ZSCAN12: variants seen among roughly 807,000 people sequenced by gnomAD.
ZSCAN12 encodes zinc finger and SCAN domain containing 12.
A neutral mutation model predicts 23.4 loss-of-function variants in ZSCAN12; 18 were observed. The ratio of observed to expected loss-of-function variants is 0.77; its 90% CI spans 0.53 to 1.14. The LOEUF (loss-of-function observed/expected upper bound fraction) is 1.14. Among genes scored for constraint, ZSCAN12 ranks in the 50% most tolerant of loss-of-function variants. The pLI is 0.00. For missense variants in ZSCAN12, 650 were observed against 735.0 expected (o/e 0.88, Z 1.34); for synonymous variants, 186 against 253.4 (o/e 0.73, Z 2.53).
In ZSCAN12 at chr6:28,386,205, T is replaced by C. The variant is rs936708207; in HGVS notation, c.*4249A>G. 6.6e-6 allele frequency among the ~76,000 whole-genome samples: 1 copy of C among 152,222 alleles called. No individual in the cohort carries two copies. The highest frequency in any genetic ancestry group is 2.4e-5 in the African/African-American group (1 of 41,458). On this transcript the variant is annotated 3_prime_UTR_variant, in exon 4 of 4. Transcript: ENST00000684592. ...TGGCTCTTCCCCAACCTCTCCATGCTTTTTGCCTTAAACACTTAATGTCTT... is the reference window on the plus strand; with the variant it reads ...TGGCTCTTCCCCAACCTCTCCATGCCTTTTGCCTTAAACACTTAATGTCTT...
intron 3 of ZSCAN12, among the ~76,000 whole-genome samples, chr6:28,392,553 GC>G (rs1257282779): frequency 6.6e-6 from 1 of 152,062 alleles, no homozygotes; most frequent in East Asian, 1.9e-4. Flanking sequence ...ACATAATGGA[GC>G]AAAGGCTTAT....
chr6:28,396,987 A>G (rs1229135586), intron 2 of ZSCAN12, among the ~76,000 whole-genome samples: 1 of 151,992 alleles, frequency 6.6e-6, no homozygotes, highest in Non-Finnish European at 1.5e-5. Context: ...GCTAGATTAT[A>G]CTTCTGTTTC....
chr6:28,391,124 G>A lies in ZSCAN12; in HGVS notation c.1166C>T (p.Thr389Ile). 1 of 1,552,200 alleles carries A rather than the reference G, an allele frequency of 6.4e-7. No individual in the cohort carries two copies. Among genetic ancestry groups the A allele is most frequent in the South Asian group, 1.2e-5 (1 of 84,058 alleles). The change falls in exon 4 of 4, where the codon ACT becomes ATT. Residue 389 changes from threonine (T) to isoleucine (I), a missense_variant. Coordinates refer to ENST00000684592, the MANE Select transcript of ZSCAN12 (RefSeq NM_001163391.2). This position sits in a 1 kb window ranked among gnomAD's most constrained non-coding sequence, Gnocchi z 4.1. ...CCGACTAAAACTTTTATTACACTGAGTGCACTGATAAGGTTTGTCTCTTGT... is the reference window on the plus strand; with the variant it reads ...CCGACTAAAACTTTTATTACACTGAATGCACTGATAAGGTTTGTCTCTTGT... Reference protein sequence around the residue: ...IHTRDKPYQCTQCNKSFSRRS... With the variant: ...IHTRDKPYQCIQCNKSFSRRS...
chr6:28,393,701 G>T, intron 2 of ZSCAN12, among the ~76,000 whole-genome samples: 1 of 130,058 alleles, frequency 7.7e-6, no homozygotes. Context: ...TTACACTACT[G>T]AACTCCAGCC....
chr6:28,394,393 C>T (rs1761005569), intron 2 of ZSCAN12, among the ~76,000 whole-genome samples: 1 of 152,210 alleles, frequency 6.6e-6, no homozygotes, highest in East Asian at 1.9e-4. Context: ...AAGAAATCAC[C>T]ATATACTGCC....
rs3799499 is a variant in ZSCAN12 at position 28,386,473 on chromosome 6, G to C, written c.*3981C>G. On this transcript the variant is annotated 3_prime_UTR_variant, in exon 4 of 4. Transcript: ENST00000684592. ...ACATAAAATGCTTCAGAGGTTTCTGGTTTCCTAGGATCTTGTCACTGTCAC... is the reference window on the plus strand; with the variant it reads ...ACATAAAATGCTTCAGAGGTTTCTGCTTTCCTAGGATCTTGTCACTGTCAC... Among the ~76,000 whole-genome samples, 2 of 151,954 alleles carry C rather than the reference G, an allele frequency of 1.3e-5. No homozygotes were observed.
chr6:28,391,097 C>G lies in ZSCAN12; in HGVS notation c.1193G>C (p.Arg398Pro). Residue 398 changes from arginine (R) to proline (P), a missense_variant, in exon 4 of 4, where the codon CGT becomes CCT. Coordinates refer to ENST00000684592, the MANE Select transcript of ZSCAN12 (RefSeq NM_001163391.2). The surrounding 1 kb of genome is among the most constrained non-coding windows in gnomAD (Gnocchi z 4.1). ...CTQCNKSFSRRSILTQHQGVH... is the reference protein window; with the variant it reads ...CTQCNKSFSRPSILTQHQGVH... ...TCCTTGATGCTGAGTAAGTATGGAA[C>G]GCCGACTAAAACTTTTATTACACTG... is the stretch of plus-strand genomic sequence containing the variant. 1 of 1,552,218 alleles carries G rather than the reference C, an allele frequency of 6.4e-7. No individual in the cohort carries two copies. Among genetic ancestry groups the G allele is most frequent in the Non-Finnish European group, 8.7e-7 (1 of 1,147,144 alleles).
At chr6:28,399,106 G>A (rs1761287212) in intron 1 of ZSCAN12, among the ~76,000 whole-genome samples, 1 of 152,156 alleles carries the variant, frequency 6.6e-6, no homozygotes, top group South Asian at 2.1e-4. Flanking sequence ...ATAACAAAAG[G>A]TTAGGACATC....
At position 28,391,901 on chromosome 6, in the gene ZSCAN12, CA is replaced by C. The variant is rs1760859215; in HGVS notation, c.548-160del. Among the ~76,000 whole-genome samples the C allele has an allele frequency of 2.0e-5, 3 of 151,894 alleles. No individual in the cohort carries two copies. In the South Asian group the frequency reaches 6.2e-4, roughly 32 times the overall value. Reference sequence around the variant, plus strand: ...GTTTCAATATGGAAAACATATGCATCAAAAAAATATCTGGAAGGACACACGA... The same window carrying C: ...GTTTCAATATGGAAAACATATGCATCAAAAAATATCTGGAAGGACACACGA... On this transcript the variant is annotated intron_variant, in intron 3 of 3. Coordinates refer to ENST00000684592, the MANE Select transcript of ZSCAN12 (RefSeq NM_001163391.2). This position sits in a 1 kb window ranked among gnomAD's most constrained non-coding sequence, Gnocchi z 4.1.
In ZSCAN12 at chr6:28,391,391, C is replaced by G; in HGVS notation, c.899G>C (p.Arg300Thr). The G allele has an allele frequency of 6.4e-7, 1 of 1,551,700 alleles. No homozygotes were observed. The highest frequency in any genetic ancestry group is 8.7e-7 in the Non-Finnish European group (1 of 1,146,798). ...TCCACATTCTTCGCATTTGTAGGGT[C>G]TATCTCCAGTATGGATCCTCTGATG... ...IEHQRIHTGDRPYKCEECGKA... is the reference protein window; with the variant it reads ...IEHQRIHTGDTPYKCEECGKA... Residue 300 changes from arginine to threonine, a missense_variant, in exon 4 of 4, where the codon AGA (arginine) becomes ACA (threonine). By Grantham distance (71) the Arg-to-Thr change is moderately conservative. Coordinates refer to ENST00000684592, the MANE Select transcript of ZSCAN12 (RefSeq NM_001163391.2). This position sits in a 1 kb window ranked among gnomAD's most constrained non-coding sequence, Gnocchi z 4.1.
At chr6:28,397,679 CAG>C (rs1273375977) in intron 2 of ZSCAN12, among the ~76,000 whole-genome samples, 2 of 152,134 alleles carry the variant, frequency 1.3e-5, no homozygotes, top group Non-Finnish European at 2.9e-5. Context: ...TATTGTGCAA[CAG>C]AGTGATGCCC....
rs761169662 is a variant in ZSCAN12 at position 28,398,210 on chromosome 6, G to A, written c.196C>T (p.Arg66Ter). Reference protein sequence around the residue: ...ETSGPREALSRLRELCHQWLR... With the variant: ...ETSGPREALS ...CACTGATGGCAAAGTTCTCGGAGTCGGCTCAAAGCCTCACGGGGACCAGAT... is the reference window on the plus strand; with the variant it reads ...CACTGATGGCAAAGTTCTCGGAGTCAGCTCAAAGCCTCACGGGGACCAGAT... The change falls in exon 2 of 4, where the codon CGA (arginine) becomes TGA (stop). Residue 66 changes from arginine to a stop codon, truncating the protein, a stop_gained. Coordinates refer to ENST00000684592, the MANE Select transcript of ZSCAN12 (RefSeq NM_001163391.2). LOFTEE classifies it high-confidence loss of function. 5.0e-6 allele frequency: 8 copies of A among 1,613,918 alleles called. No individual in the cohort carries two copies. Among genetic ancestry groups the A allele is most frequent in the Admixed American group, 3.3e-5 (2 of 59,978 alleles).
chr6:28,399,259 G>A (rs1761292665), intron 1 of ZSCAN12, among the ~76,000 whole-genome samples: 1 of 152,204 alleles, frequency 6.6e-6, no homozygotes, highest in Non-Finnish European at 1.5e-5. Context: ...TGAGAAGGCT[G>A]AAGAGGTTAC....
Position 28,392,896 on chromosome 6 carries a change from CTTT to C in ZSCAN12, c.547+3_547+5del. ...CTTCCTCCCAAGATGGGTCTTTCTT[CTTT>C]ACCTTGCTCCTGTTGGGATTCAAGT... is the stretch of plus-strand genomic sequence containing the variant. On this transcript the variant is annotated splice_donor_5th_base_variant and intron_variant, in intron 3 of 3. Coordinates refer to ENST00000684592, the MANE Select transcript of ZSCAN12 (RefSeq NM_001163391.2). The C allele has an allele frequency of 6.4e-7, 1 of 1,552,026 alleles. No homozygotes were observed. The highest frequency in any genetic ancestry group is 8.7e-7 in the Non-Finnish European group (1 of 1,147,044).
intron 3 of ZSCAN12, among the ~76,000 whole-genome samples, chr6:28,392,379 T>C (rs1212112963): frequency 6.6e-6 from 1 of 152,208 alleles, no homozygotes; most frequent in Non-Finnish European, 1.5e-5. Flanking sequence ...GGTTTCACCA[T>C]GTTGGTCAGG....
At position 28,385,613 on chromosome 6, in the gene ZSCAN12, T is replaced by A. The variant is rs2113965716; in HGVS notation, c.*4841A>T. ...GAACTGGGCTGCTTGGGTTCAAATCTTGGCCTGACCACATACTAACTTCGG... is the reference window on the plus strand; with the variant it reads ...GAACTGGGCTGCTTGGGTTCAAATCATGGCCTGACCACATACTAACTTCGG... On this transcript the variant is annotated 3_prime_UTR_variant, in exon 4 of 4. Transcript: ENST00000684592. 6.6e-6 allele frequency among the ~76,000 whole-genome samples: 1 copy of A among 152,344 alleles called. No homozygotes were observed. Among genetic ancestry groups the A allele is most frequent in the South Asian group, 2.1e-4 (1 of 4,824 alleles).
chr6:28,381,836 G>A (rs1760260040), downstream of ZSCAN12: 1 of 152,210 alleles, frequency 6.6e-6, no homozygotes, highest in Non-Finnish European at 1.5e-5. Flanking sequence ...TAAAGGCAAT[G>A]TGATAAAATT....
chr6:28,390,144 G>A lies in ZSCAN12; in HGVS notation c.*310C>T, dbSNP rs1338872626. Among the ~76,000 whole-genome samples, 1 of 99,344 alleles carries A rather than the reference G, an allele frequency of 1.0e-5. No individual in the cohort carries two copies. Among genetic ancestry groups the A allele is most frequent in the East Asian group, 3.0e-4 (1 of 3,370 alleles). The allele number at this position is 99,344 out of a possible 152,430, so 65.2% of individuals were successfully genotyped here. ...TCCTTTAGAATTTACAGCACTTATA[G>A]TCTGTTACAAAGTACCACTTTCATT... On this transcript the variant is annotated 3_prime_UTR_variant, in exon 4 of 4. Transcript: ENST00000684592.
chr6:28,395,780 G>T (rs1343993075), intron 2 of ZSCAN12, among the ~76,000 whole-genome samples: 3 of 151,704 alleles, frequency 2.0e-5, no homozygotes, highest in African/African-American at 7.3e-5. Context: ...TCTCCACCAT[G>T]ATAAGTACAT....
Sources: allele counts gnomAD v4.1 joint callset (sites outside exome capture counted in the v4.1 genomes callset), GRCh38; gene constraint gnomAD v4.1.1; non-coding constraint Gnocchi (gnomAD v3.1); transcripts MANE v1.5; gene names NCBI Gene and HGNC (gene_info 2026-07-23, HGNC 2026-07-21).